ZNF536: variants seen among roughly 807,000 people sequenced by gnomAD.
The protein encoded by ZNF536 is zinc finger protein 536.
A neutral mutation model predicts 84.5 loss-of-function variants in ZNF536; 13 were observed. The observed-to-expected ratio is 0.15, with a 90% CI of 0.10 to 0.24. ZNF536 has a LOEUF of 0.24. Ranked by LOEUF, ZNF536 falls within the 10% of genes least tolerant of loss-of-function variation. The pLI is 1.00. For missense variants in ZNF536, 1,536 were observed against 1,747.5 expected, an observed-to-expected ratio of 0.88 and a Z score of 2.16; for synonymous variants, 811 against 742.5, an observed-to-expected ratio of 1.09 and a Z score of -1.50.
chr19:30,611,559 T>C (rs1476061428), intron 1 of ZNF536, among the ~76,000 whole-genome samples: 2 of 152,240 alleles, frequency 1.3e-5, no homozygotes, highest in African/African-American at 4.8e-5. Context: ...GAGCTTTGAC[T>C]GCATTTCTGA....
intron 1 of ZNF536, among the ~76,000 whole-genome samples, chr19:30,270,524 A>G (rs975398097): frequency 6.6e-6 from 1 of 152,230 alleles, no homozygotes; most frequent in Admixed American, 6.5e-5. Flanking sequence ...TAGAAGTAAA[A>G]TGTAGCTCAA....
intron 1 of ZNF536, among the ~76,000 whole-genome samples, chr19:30,271,872 T>C (rs954071291): frequency 5.5e-5 from 4 of 73,302 alleles, no homozygotes; most frequent in Non-Finnish European, 8.9e-5. Flanking sequence ...GAGACACAAG[T>C]CCGTGCGTTT....
At position 30,548,154 on chromosome 19, in the gene ZNF536, C is replaced by G. The variant is rs868056414; in HGVS notation, c.2535C>G (p.Leu845=). The change falls in exon 4 of 5, where the codon CTC becomes CTG. Residue 845 remains leucine (L), a synonymous_variant. Coordinates refer to ENST00000355537, the MANE Select transcript of ZNF536 (RefSeq NM_014717.3). ...TCCTGAGGGGGGCCTTCAAGGGTCT[C>G]CCTGGAATCGACTTCAGAGGAGGCC... ...PDILRGAFKG[L]PGIDFRGGPA... 6.2e-7 allele frequency: 1 copy of G among 1,614,126 alleles called. No individual in the cohort carries two copies. Among genetic ancestry groups the G allele is most frequent in the South Asian group, 1.1e-5 (1 of 91,074 alleles).
intron 1 of ZNF536, among the ~76,000 whole-genome samples, chr19:30,637,775 G>A (rs1005807469): frequency 2.3e-4 from 35 of 152,240 alleles, no homozygotes; most frequent in African/African-American, 8.2e-4. Context: ...ACTTACAATA[G>A]CCCTTCTGGT....
chr19:30,541,408 A>G (rs576130003), intron 3 of ZNF536, among the ~76,000 whole-genome samples: 209 of 152,268 alleles, frequency 1.4e-3, no homozygotes, highest in African/African-American at 4.7e-3. Context: ...AAAAAAAAAA[A>G]AAAATCTCCA....
At chr19:30,249,065 T>C (rs2024458166) in intron 1 of ZNF536, among the ~76,000 whole-genome samples, 1 of 152,222 alleles carries the variant, frequency 6.6e-6, no homozygotes, top group Admixed American at 6.5e-5. Flanking sequence ...AAAGGATGCC[T>C]GTGGAGAAGT....
chr19:30,325,693 C>G lies in ZNF536; in HGVS notation c.-119-26675C>G, dbSNP rs147341201. On this transcript the variant is annotated intron_variant, in intron 2 of 5. Transcript: ENST00000585628. ...CTTAGATATGCCAAGTCTGGCATTG[C>G]GCATGGTGTCCAATCTGTGGACCAT... Among the ~76,000 whole-genome samples, 6 of 152,298 alleles carry G rather than the reference C, an allele frequency of 3.9e-5. No homozygotes were observed. In the East Asian group the frequency reaches 7.7e-4, roughly 20 times the overall value.
chr19:30,295,981 G>A (rs560044002), intron 2 of ZNF536, among the ~76,000 whole-genome samples: 1 of 152,292 alleles, frequency 6.6e-6, no homozygotes, highest in East Asian at 1.9e-4. Context: ...CCTCCATGGG[G>A]CCCAGACCAG....
At chr19:30,389,255 G>A (rs1044732306) in intron 1 of ZNF536, among the ~76,000 whole-genome samples, 1 of 152,184 alleles carries the variant, frequency 6.6e-6, no homozygotes, top group African/African-American at 2.4e-5. Flanking sequence ...TATGCGGAAG[G>A]CCAACCATGT....
intron 2 of ZNF536, among the ~76,000 whole-genome samples, chr19:30,487,165 T>C (rs1189470624): frequency 1.3e-5 from 2 of 152,224 alleles, no homozygotes; most frequent in African/African-American, 4.8e-5. Flanking sequence ...GACCCAGTAA[T>C]TCTGCTTCTG....
intron 1 of ZNF536, among the ~76,000 whole-genome samples, chr19:30,640,032 G>A (rs900290712): frequency 6.6e-6 from 1 of 152,150 alleles, no homozygotes; most frequent in South Asian, 2.1e-4. Context: ...ATCACCTGAG[G>A]TCAGGAGTTT....
At chr19:30,383,805 T>C (rs998390471) in intron 1 of ZNF536, among the ~76,000 whole-genome samples, 44 of 144,848 alleles carry the variant, frequency 3.0e-4, no homozygotes, top group African/African-American at 1.1e-3. Flanking sequence ...TTCTTTTCTC[T>C]TTCTTTCTCT....
At chr19:30,431,512 G>A (rs939183870) in intron 1 of ZNF536, among the ~76,000 whole-genome samples, 13 of 152,130 alleles carry the variant, frequency 8.5e-5, no homozygotes, top group African/African-American at 3.1e-4. Context: ...AATCTCCCTG[G>A]GCCGACTTCT....
intron 1 of ZNF536, among the ~76,000 whole-genome samples, chr19:30,609,395 A>C (rs949258147): frequency 2.4e-4 from 37 of 152,176 alleles, no homozygotes; most frequent in Admixed American, 6.5e-5. Flanking sequence ...AGGAACTTCA[A>C]ATGTATTTTT....
At chr19:30,597,400 G>A (rs903958883) in intron 1 of ZNF536, among the ~76,000 whole-genome samples, 2 of 152,220 alleles carry the variant, frequency 1.3e-5, no homozygotes, top group East Asian at 1.9e-4. Context: ...ACGGCCAATA[G>A]CACCCACCTG....
chr19:30,506,175 A>C (rs1023137060), intron 2 of ZNF536, among the ~76,000 whole-genome samples: 1 of 152,088 alleles, frequency 6.6e-6, no homozygotes, highest in South Asian at 2.1e-4. Flanking sequence ...ATATTTCATG[A>C]TGTATTTTCC....
intron 1 of ZNF536, among the ~76,000 whole-genome samples, chr19:30,403,611 C>T (rs1434945031): frequency 6.6e-6 from 1 of 152,180 alleles, no homozygotes; most frequent in South Asian, 2.1e-4. Context: ...AGCTGCTATC[C>T]GCTTTATTGA....
chr19:30,445,375 C>T lies in ZNF536; in HGVS notation c.1813C>T (p.Arg605Trp), dbSNP rs141248439. The T allele has an allele frequency of 4.3e-6, 7 of 1,614,006 alleles. No homozygotes were observed. Among genetic ancestry groups the T allele is most frequent in the African/African-American group, 2.7e-5 (2 of 74,918 alleles). Reference protein sequence around the residue: ...PSKLDPLESSRDFLSHGLNQT... With the variant: ...PSKLDPLESSWDFLSHGLNQT... ...TAAGCTCGACCCTTTAGAAAGCAGT[C>T]GGGATTTTTTGTCACACGGGCTGAA... is the stretch of plus-strand genomic sequence containing the variant. Residue 605 changes from arginine to tryptophan, a missense_variant, in exon 2 of 5, where the codon CGG (arginine) becomes TGG (tryptophan). By Grantham distance (101) the Arg-to-Trp change is moderately radical. Around this residue, in one of 8 missense-constraint regions of ZNF536, gnomAD observed 366 missense variants for 364.4 expected, o/e 1.00. Coordinates refer to ENST00000355537, the MANE Select transcript of ZNF536 (RefSeq NM_014717.3). This position sits in a 1 kb window ranked among gnomAD's most constrained non-coding sequence, Gnocchi z 4.5.
intron 1 of ZNF536, among the ~76,000 whole-genome samples, chr19:30,595,597 T>A (rs1282477064): frequency 1.3e-5 from 2 of 152,210 alleles, no homozygotes; most frequent in Admixed American, 6.5e-5. Context: ...CAGAACTCAA[T>A]GTTCTTGAAC....
Sources: gnomAD v4.1 joint callset for allele counts (sites outside exome capture counted in the v4.1 genomes callset) on GRCh38, gnomAD v4.1.1 for gene constraint, gnomAD v4.1.1 regional missense constraint, Gnocchi (gnomAD v3.1) non-coding constraint, MANE v1.5 for transcripts, NCBI Gene and HGNC (gene_info 2026-07-23, HGNC 2026-07-21) for gene names.